Variants in SOX5 observed in about 807,000 individuals in gnomAD.
SOX5 encodes transcription factor SOX-5.
Under a neutral mutation model 92.0 loss-of-function variants are expected in SOX5, and 9 were observed. That is an observed-to-expected ratio of 0.10 (90% CI 0.06 to 0.17). The LOEUF (loss-of-function observed/expected upper bound fraction) is 0.17, where lower values mean the gene tolerates loss of function less well. Among genes scored for constraint, SOX5 ranks in the 10% least tolerant of loss-of-function variants. SOX5 has a pLI of 1.00. For synonymous variants in SOX5, 344 were observed against 336.3 expected (o/e 1.02, Z -0.25); for missense variants, 642 against 944.5 (o/e 0.68, Z 4.20).
In SOX5 at chr12:24,298,783, CA is replaced by C. The variant is rs10657648; in HGVS notation, c.-173-21472del. Reference sequence around the variant, plus strand: ...ATTCTAATTCTGATCCCAGAGTAGTCAAAAAAAAAAAAAAAAACTACATTTT... The same window carrying C: ...ATTCTAATTCTGATCCCAGAGTAGTCAAAAAAAAAAAAAAAACTACATTTT... On this transcript the variant is annotated intron_variant, in intron 2 of 4. Transcript: ENST00000446891. Among the ~76,000 whole-genome samples the C allele has an allele frequency of 1.6e-3, 158 of 96,668 alleles. 5 individuals are homozygous for C. Among genetic ancestry groups the C allele is most frequent in the South Asian group, 6.7e-3 (17 of 2,548 alleles). 63.4% of individuals were successfully genotyped at this position (96,668 alleles called of 152,430 possible). A position where few individuals can be genotyped will look rare whatever the true frequency, so the allele number is the denominator to read the frequency against.
intron 4 of SOX5, among the ~76,000 whole-genome samples, chr12:24,084,489 T>C (rs966866132): frequency 1.3e-5 from 2 of 152,118 alleles, no homozygotes; most frequent in Non-Finnish European, 2.9e-5. Context: ...TATCCTTTAA[T>C]TAAATCCCTT....
intron 8 of SOX5, among the ~76,000 whole-genome samples, chr12:23,625,173 C>A (rs145965604): frequency 6.6e-6 from 1 of 152,164 alleles, no homozygotes; most frequent in South Asian, 2.1e-4. Context: ...TCAACTGATG[C>A]TAAGAAACCA....
intron 4 of SOX5, among the ~76,000 whole-genome samples, chr12:23,754,309 G>A (rs940926522): frequency 4.0e-5 from 6 of 151,850 alleles, no homozygotes; most frequent in Middle Eastern, 3.2e-3. Context: ...TAGGTCAGAG[G>A]AGAATAAAAA....
intron 1 of SOX5, among the ~76,000 whole-genome samples, chr12:24,458,167 A>C (rs1943226786): frequency 6.6e-6 from 1 of 152,162 alleles, no homozygotes; most frequent in Non-Finnish European, 1.5e-5. Context: ...TGTTTTTTTA[A>C]ATTTGTTAAA....
intron 4 of SOX5, among the ~76,000 whole-genome samples, chr12:23,992,055 T>C (rs1950607700): frequency 1.3e-5 from 2 of 152,104 alleles, no homozygotes; most frequent in South Asian, 4.1e-4. Flanking sequence ...AAATAAGAAA[T>C]TGACAGCCCT....
At chr12:23,968,760 C>T (rs1408715206) in intron 4 of SOX5, among the ~76,000 whole-genome samples, 1 of 152,196 alleles carries the variant, frequency 6.6e-6, no homozygotes, top group Non-Finnish European at 1.5e-5. Context: ...ACTTCCATTG[C>T]AGCAGGACCC....
intron 3 of SOX5, among the ~76,000 whole-genome samples, chr12:23,759,646 G>C (rs1176978528): frequency 2.0e-5 from 3 of 152,054 alleles, no homozygotes; most frequent in Admixed American, 6.6e-5. Context: ...TAAAGATATG[G>C]TAGAAAATGC....
At chr12:24,222,454 C>T (rs1295649470) in intron 3 of SOX5, among the ~76,000 whole-genome samples, 1 of 152,036 alleles carries the variant, frequency 6.6e-6, no homozygotes, top group Admixed American at 6.5e-5. Flanking sequence ...TCAAGGATGA[C>T]TCCTACATGC....
At chr12:24,119,042 T>G (rs1055565129) in intron 4 of SOX5, among the ~76,000 whole-genome samples, 3 of 121,790 alleles carry the variant, frequency 2.5e-5, no homozygotes, top group Non-Finnish European at 1.9e-5. Context: ...ATGAGGAATA[T>G]TTTTTTTAAT....
At chr12:24,083,209 A>G (rs1391102905) in intron 4 of SOX5, among the ~76,000 whole-genome samples, 1 of 152,020 alleles carries the variant, frequency 6.6e-6, no homozygotes. Flanking sequence ...CTTCACCATA[A>G]GATTAAGCCT....
In SOX5 at chr12:24,436,339, A is replaced by C. The variant is rs186040801; in HGVS notation, c.-250-67700T>G. ...TGAAGAGAATTAAAGGTGCTACTGC[A>C]GTGAATACATGAATGATAAGAAAGT... is the stretch of plus-strand genomic sequence containing the variant. On this transcript the variant is annotated intron_variant, in intron 1 of 4. Transcript: ENST00000446891. Among the ~76,000 whole-genome samples the C allele has an allele frequency of 1.1e-3, 166 of 152,370 alleles. 1 individual carries two copies. The highest frequency in any genetic ancestry group is 3.9e-3 in the African/African-American group (164 of 41,590).
intron 5 of SOX5, among the ~76,000 whole-genome samples, chr12:23,740,293 C>T (rs1213482552): frequency 6.6e-6 from 1 of 152,204 alleles, no homozygotes; most frequent in Admixed American, 6.5e-5. Context: ...TATTACTAGG[C>T]TCAACTCTTT....
At chr12:23,989,596 G>T (rs546391810) in intron 4 of SOX5, among the ~76,000 whole-genome samples, 3 of 152,110 alleles carry the variant, frequency 2.0e-5, no homozygotes, top group Admixed American at 6.6e-5. Context: ...ATTAGGAGGT[G>T]TGACCTTTGA....
At chr12:23,565,811 T>C (rs930484818) in intron 10 of SOX5, among the ~76,000 whole-genome samples, 1 of 152,218 alleles carries the variant, frequency 6.6e-6, no homozygotes, top group African/African-American at 2.4e-5. Context: ...GCCATGTATA[T>C]ATGACAACAT....
intron 4 of SOX5, among the ~76,000 whole-genome samples, chr12:24,141,224 A>G (rs935583828): frequency 1.3e-5 from 2 of 152,168 alleles, no homozygotes; most frequent in African/African-American, 2.4e-5. Context: ...CTTCTCCTAC[A>G]TGATTTAGTC....
chr12:23,635,700 G>T (rs1344749131), intron 8 of SOX5, among the ~76,000 whole-genome samples: 1 of 152,088 alleles, frequency 6.6e-6, no homozygotes, highest in Non-Finnish European at 1.5e-5. Flanking sequence ...AAAAAAGGAA[G>T]ATTATTCTGA....
rs1311425231 is a variant in SOX5, at chr12:24,393,857, A to C, written c.-250-25218T>G. Among the ~76,000 whole-genome samples the C allele has an allele frequency of 6.6e-6, 1 of 152,252 alleles. No individual in the cohort carries two copies. Among genetic ancestry groups the C allele is most frequent in the East Asian group, 1.9e-4 (1 of 5,200 alleles). ...CTCTTTCTTCAAAAGTTTAAAAGAG[A>C]ATAGCAAAAGAGAAAAGACTAATTT... On this transcript the variant is annotated intron_variant, in intron 1 of 4. Transcript: ENST00000446891. This position sits in a 1 kb window ranked among gnomAD's most constrained non-coding sequence, Gnocchi z 5.0.
intron 3 of SOX5, among the ~76,000 whole-genome samples, chr12:23,806,818 C>G (rs1255863139): frequency 6.6e-6 from 1 of 152,114 alleles, no homozygotes; most frequent in Non-Finnish European, 1.5e-5. Context: ...TCACAAGGTA[C>G]TATAATTTTC....
At chr12:24,072,906 A>C (rs1001366722) in intron 4 of SOX5, among the ~76,000 whole-genome samples, 1 of 152,166 alleles carries the variant, frequency 6.6e-6, no homozygotes, top group African/African-American at 2.4e-5. Context: ...ATTTTTTTTT[A>C]AAGAAAACAT....
Sources: allele counts gnomAD v4.1 joint callset (sites outside exome capture counted in the v4.1 genomes callset), GRCh38; gene constraint gnomAD v4.1.1; non-coding constraint Gnocchi (gnomAD v3.1); transcripts MANE v1.5; gene names NCBI Gene and HGNC (gene_info 2026-07-23, HGNC 2026-07-21).